The following DZANK1 variants were observed in gnomAD, a reference collection of about 807,000 sequenced individuals.
DZANK1 encodes double zinc ribbon and ankyrin repeat domains 1.
In DZANK1, 91 loss-of-function variants were observed where a neutral mutation model predicts 94.5. The ratio of observed to expected loss-of-function variants is 0.96; its 90% CI spans 0.81 to 1.15. DZANK1 has a LOEUF of 1.15. Among genes scored for constraint, DZANK1 ranks in the 50% most tolerant of loss-of-function variants. The probability of loss-of-function intolerance (pLI) is 0.00; values close to 1 mark genes in which losing one functional copy is unlikely to be tolerated. For synonymous variants in DZANK1, 312 were observed against 325.3 expected (o/e 0.96, Z 0.44); for missense variants, 903 against 916.4 (o/e 0.99, Z 0.19).
intron 10 of DZANK1, among the ~76,000 whole-genome samples, chr20:18,422,129 A>G (rs1027454180): frequency 6.6e-6 from 1 of 152,146 alleles, no homozygotes; most frequent in Non-Finnish European, 1.5e-5. Context: ...TCCGAAAAAA[A>G]TCATTGCCCA....
chr20:18,389,101 GAAC>G lies in DZANK1; in HGVS notation c.2018+597_2018+599del, dbSNP rs879565993. On this transcript the variant is annotated intron_variant, in intron 19 of 20. Transcript: ENST00000262547. Reference sequence around the variant, plus strand: ...CATATTTTCAAAGTACTTTTTGAAAGAACAACAGAAGCACACAGCTAGAAGAGA... The same window carrying G: ...CATATTTTCAAAGTACTTTTTGAAAGAACAGAAGCACACAGCTAGAAGAGA... Among the ~76,000 whole-genome samples, 9 of 152,308 alleles carry G rather than the reference GAAC, an allele frequency of 5.9e-5. No homozygotes were observed. The East Asian group carries it at 7.7e-4, about 13-fold the overall frequency.
At chr20:18,395,486 C>A (rs1337374659) in intron 15 of DZANK1, among the ~76,000 whole-genome samples, 1 of 152,188 alleles carries the variant, frequency 6.6e-6, no homozygotes, top group African/African-American at 2.4e-5. Context: ...TTCCCACTAG[C>A]TGGCCAGGTT....
intron 13 of DZANK1, among the ~76,000 whole-genome samples, chr20:18,399,984 A>T (rs1171288680): frequency 2.0e-5 from 3 of 152,252 alleles, no homozygotes; most frequent in Non-Finnish European, 4.4e-5. Context: ...CATAATTTGG[A>T]GTTCAGACAA....
intron 8 of DZANK1, among the ~76,000 whole-genome samples, chr20:18,435,793 T>C (rs1330394033): frequency 6.6e-6 from 1 of 151,302 alleles, no homozygotes; most frequent in Non-Finnish European, 1.5e-5. Flanking sequence ...TCTCTGTCTA[T>C]GGAGTAACCA....
intron 7 of DZANK1, among the ~76,000 whole-genome samples, chr20:18,445,337 A>G (rs1298316232): frequency 6.6e-6 from 1 of 152,262 alleles, no homozygotes; most frequent in Non-Finnish European, 1.5e-5. Flanking sequence ...AAGTACATGA[A>G]GAAAAACTGA....
intron 2 of DZANK1, among the ~76,000 whole-genome samples, 166 bp downstream of exon 2, chr20:18,465,084 T>C (rs1704391666): frequency 6.6e-6 from 1 of 152,166 alleles, no homozygotes; most frequent in South Asian, 2.1e-4. Flanking sequence ...TACCACTCTA[T>C]AAACCATCAA....
chr20:18,416,436 C>G (rs901869108), intron 10 of DZANK1, among the ~76,000 whole-genome samples: 3 of 152,182 alleles, frequency 2.0e-5, no homozygotes, highest in Non-Finnish European at 2.9e-5. Flanking sequence ...ATTCCCCGCA[C>G]TAGGACAGTC....
At chr20:18,409,580 ACACCAC>A (rs749422278) in intron 13 of DZANK1, among the ~76,000 whole-genome samples, 1 of 138,270 alleles carries the variant, frequency 7.2e-6, no homozygotes, top group Non-Finnish European at 1.6e-5. Flanking sequence ...ACACACACAC[ACACCAC>A]CACCACCACC....
At chr20:18,460,287 T>C (rs2059431057) in exon 3 of DZANK1, 8 of 1,567,944 alleles carry the variant, frequency 5.1e-6, no homozygotes, top group Non-Finnish European at 6.1e-6. Context: ...GAGTATAATA[T>C]ATGTTGACAT....
At chr20:18,415,209 G>C (rs2057431710) in intron 11 of DZANK1, 118 bp downstream of exon 11, 1 of 1,056,474 alleles carries the variant, frequency 9.5e-7, no homozygotes, top group Non-Finnish European at 1.3e-6. Flanking sequence ...TAGGTTATAG[G>C]TACCAGTAGC....
At chr20:18,386,507 T>C (rs980499471) in intron 19 of DZANK1, among the ~76,000 whole-genome samples, 10 of 151,914 alleles carry the variant, frequency 6.6e-5, no homozygotes, top group African/African-American at 2.4e-4. Context: ...TATGAGACTA[T>C]GAAAAAGAAA....
intron 19 of DZANK1, 121 bp from the exon 20 acceptor site, chr20:18,385,211 C>A: frequency 1.2e-6 from 1 of 816,400 alleles, no homozygotes; most frequent in Non-Finnish European, 2.0e-6. Flanking sequence ...ACCTGGGAAA[C>A]CTCTTGAGTC....
At chr20:18,398,652 T>C (rs1450029007) in intron 13 of DZANK1, 26 bp from the exon 14 acceptor site, 1 of 1,592,396 alleles carries the variant, frequency 6.3e-7, no homozygotes, top group South Asian at 1.1e-5. Flanking sequence ...AACCCCGCCA[T>C]CTGGATGATT....
chr20:18,404,953 G>T (rs537288053), intron 13 of DZANK1, among the ~76,000 whole-genome samples: 1 of 148,702 alleles, frequency 6.7e-6, no homozygotes, highest in South Asian at 2.1e-4. Context: ...ATGCATTTCA[G>T]AAGGCTGAGG....
intron 10 of DZANK1, among the ~76,000 whole-genome samples, chr20:18,423,315 A>C (rs1300012807): frequency 2.0e-5 from 3 of 152,194 alleles, no homozygotes; most frequent in Non-Finnish European, 4.4e-5. Context: ...ATGCATTACT[A>C]TATTTGTGTG....
chr20:18,453,616 C>G, intron 5 of DZANK1, 115 bp downstream of exon 5: 2 of 716,418 alleles, frequency 2.8e-6, no homozygotes, highest in East Asian at 2.5e-5. Flanking sequence ...CTTTCCTGCC[C>G]CAGTGTTTCT....
intron 3 of DZANK1, among the ~76,000 whole-genome samples, chr20:18,456,057 T>G (rs1190569959): frequency 6.6e-6 from 1 of 152,210 alleles, no homozygotes; most frequent in African/African-American, 2.4e-5. Flanking sequence ...CTGGGAGGCA[T>G]AGTTCATTGG....
chr20:18,402,330 A>G (rs1336355085), intron 13 of DZANK1, among the ~76,000 whole-genome samples: 2 of 152,170 alleles, frequency 1.3e-5, no homozygotes, highest in African/African-American at 4.8e-5. Flanking sequence ...GGTGATCAGC[A>G]GCTTCCCGAT....
At chr20:18,428,081 G>A (rs2058127234) in intron 9 of DZANK1, among the ~76,000 whole-genome samples, 1 of 151,202 alleles carries the variant, frequency 6.6e-6, no homozygotes, top group African/African-American at 2.4e-5. Context: ...AACCCGGGAG[G>A]CGGAGCTTGC....
Sources: allele counts gnomAD v4.1 joint callset (sites outside exome capture counted in the v4.1 genomes callset), GRCh38; gene constraint gnomAD v4.1.1; transcripts MANE v1.5; gene names NCBI Gene and HGNC (gene_info 2026-07-23, HGNC 2026-07-21).